Variants in LRRC53 observed in about 807,000 individuals in gnomAD.
LRRC53 encodes the protein leucine rich repeat containing 53, also known as leucine-rich repeat-containing protein 53.
In LRRC53, 25 loss-of-function variants were observed where a neutral mutation model predicts 13.6. The ratio of observed to expected loss-of-function variants is 1.83; its 90% confidence interval spans 1.34 to 2.56. The LOEUF (loss-of-function observed/expected upper bound fraction) is 2.56, where lower values mean the gene tolerates loss of function less well. LRRC53 is among the 30% of genes most tolerant of loss of function. The pLI, the probability that LRRC53 is intolerant of heterozygous loss-of-function variation, is 0.00. For missense variants in LRRC53, 527 were observed against 275.8 expected (o/e 1.91, Z -6.45); for synonymous variants, 204 against 109.8 (o/e 1.86, Z -5.37).
At chr1:74,484,079 C>T (rs1274577799) in intron 1 of LRRC53, among the ~76,000 whole-genome samples, 2 of 151,112 alleles carry the variant, frequency 1.3e-5, no homozygotes, top group Admixed American at 1.3e-4. Flanking sequence ...TAAATGGGTA[C>T]TCTAAGTGTT....
At chr1:74,504,028 T>C (rs1269335691) in intron 1 of LRRC53, among the ~76,000 whole-genome samples, 2 of 152,192 alleles carry the variant, frequency 1.3e-5, no homozygotes, top group East Asian at 3.9e-4. Flanking sequence ...AGCCATTTAC[T>C]ATATTTACAT....
At position 74,499,388 on chromosome 1, in the gene LRRC53, C is replaced by T. The variant is rs983109682; in HGVS notation, c.-27+13138G>A. Among the ~76,000 whole-genome samples, 3 of 152,142 alleles carry T rather than the reference C, an allele frequency of 2.0e-5. No individual in the cohort carries two copies. The East Asian group carries it at 5.8e-4, about 29-fold the overall frequency. ...CTCCTAAGGTTAAATGATTCAGCTTCCTAAAGTGCTGAGATTATAAATATG... is the reference window on the plus strand; with the variant it reads ...CTCCTAAGGTTAAATGATTCAGCTTTCTAAAGTGCTGAGATTATAAATATG... On this transcript the variant is annotated intron_variant, in intron 1 of 4. Coordinates refer to ENST00000294635, the MANE Select transcript of LRRC53 (RefSeq NM_001382280.1).
intron 1 of LRRC53, among the ~76,000 whole-genome samples, chr1:74,499,646 G>A (rs1570705791): frequency 6.6e-6 from 1 of 151,858 alleles, no homozygotes; most frequent in Non-Finnish European, 1.5e-5. Context: ...AGAGGGGAGG[G>A]GGCTACTACA....
chr1:74,482,654 G>C (rs1252818952), intron 2 of LRRC53, among the ~76,000 whole-genome samples: 2 of 152,136 alleles, frequency 1.3e-5, no homozygotes, highest in Admixed American at 1.3e-4. Context: ...CTTATAGCTT[G>C]TTTATCTCTT....
intron 4 of LRRC53, among the ~76,000 whole-genome samples, chr1:74,474,666 A>G (rs1668101838): frequency 6.6e-6 from 1 of 152,152 alleles, no homozygotes. Context: ...GAAGACGTTT[A>G]ATTCATTGCC....
intron 1 of LRRC53, among the ~76,000 whole-genome samples, chr1:74,500,832 A>G (rs2100340257): frequency 6.6e-6 from 1 of 151,966 alleles, no homozygotes; most frequent in South Asian, 2.1e-4. Flanking sequence ...TTAAAATTTC[A>G]TCTATGAATC....
chr1:74,495,441 G>A (rs1669281104), intron 1 of LRRC53, among the ~76,000 whole-genome samples: 1 of 152,168 alleles, frequency 6.6e-6, no homozygotes, highest in Non-Finnish European at 1.5e-5. Context: ...GGCAGATAAA[G>A]AATAAAAAAT....
intron 3 of LRRC53, among the ~76,000 whole-genome samples, chr1:74,476,686 A>G (rs906822256): frequency 2.0e-5 from 3 of 152,206 alleles, no homozygotes; most frequent in African/African-American, 7.2e-5. Context: ...TGGTGTCAGT[A>G]CAGATTGAAT....
intron 1 of LRRC53, among the ~76,000 whole-genome samples, chr1:74,486,201 AAGAGAGAG>A (rs58506314): frequency 6.6e-5 from 9 of 136,410 alleles, no homozygotes; most frequent in African/African-American, 1.6e-4. Context: ...AAATGCTATA[AAGAGAGAG>A]AGAGAGAGAG....
At chr1:74,496,490 C>A (rs984988432) in intron 1 of LRRC53, among the ~76,000 whole-genome samples, 1 of 152,128 alleles carries the variant, frequency 6.6e-6, no homozygotes, top group East Asian at 1.9e-4. Flanking sequence ...CACCTCAACA[C>A]TGTCTTGAGA....
Position 74,509,753 on chromosome 1 carries a change from T to C in LRRC53, c.-27+2773A>G, listed in dbSNP as rs1214059118. ...TTTTGAGTGATCTGAATTTCTTTTT[T>C]TTTTTTTTTTTTTTTTTTTTTTTTG... On this transcript the variant is annotated intron_variant, in intron 1 of 4. Coordinates refer to ENST00000294635, the MANE Select transcript of LRRC53 (RefSeq NM_001382280.1). 1.2e-3 allele frequency among the ~76,000 whole-genome samples: 139 copies of C among 112,114 alleles called. 4 individuals are homozygous for C. Among genetic ancestry groups the C allele is most frequent in the Admixed American group, 0.012 (136 of 11,252 alleles). The allele number at this position is 112,114 out of a possible 152,430, so 73.6% of individuals were successfully genotyped here.
At chr1:74,528,225 G>A in the LRRC53 span, among the ~76,000 whole-genome samples, 17 of 152,160 alleles carry the variant, frequency 1.1e-4, no homozygotes, top group Non-Finnish European at 1.2e-4. Flanking sequence ...GGAAGTTGGA[G>A]CATAAGGGTG....
chr1:74,532,879 T>C, the LRRC53 span, among the ~76,000 whole-genome samples: 1 of 152,146 alleles, frequency 6.6e-6, no homozygotes, highest in Non-Finnish European at 1.5e-5. Flanking sequence ...AAGCTGAAAC[T>C]GGATCCCTTC....
rs957868946 is a variant in LRRC53, at chr1:74,469,660, T to C, written c.*218A>G. 2 of 370,032 alleles carry C rather than the reference T, an allele frequency of 5.4e-6. No homozygotes were observed. The highest frequency in any genetic ancestry group is 9.6e-6 in the Non-Finnish European group (2 of 208,236). The allele number at this position is 370,032 out of a possible 1,614,324, so 22.9% of individuals were successfully genotyped here. ...TGTTTTTTCATTCCTTAGAGAAGCATACTCAGTTAATTGTGTCAGACGTAT... is the reference window on the plus strand; with the variant it reads ...TGTTTTTTCATTCCTTAGAGAAGCACACTCAGTTAATTGTGTCAGACGTAT... On this transcript the variant is annotated 3_prime_UTR_variant, in exon 5 of 5. Coordinates refer to ENST00000294635, the MANE Select transcript of LRRC53 (RefSeq NM_001382280.1).
At chr1:74,501,504 GT>G (rs1182593208) in intron 1 of LRRC53, among the ~76,000 whole-genome samples, 2 of 148,828 alleles carry the variant, frequency 1.3e-5, no homozygotes, top group Non-Finnish European at 2.9e-5. Flanking sequence ...TTGTTTGTTT[GT>G]TTTTTGAGAC....
At chr1:74,534,069 A>G in the LRRC53 span, among the ~76,000 whole-genome samples, 1 of 152,222 alleles carries the variant, frequency 6.6e-6, no homozygotes, top group Non-Finnish European at 1.5e-5. Flanking sequence ...CAGGGGTTTT[A>G]TAAAAATGTT....
At chr1:74,534,973 TA>T in the LRRC53 span, among the ~76,000 whole-genome samples, 20 of 152,308 alleles carry the variant, frequency 1.3e-4, no homozygotes, top group Admixed American at 1.0e-3. Context: ...AGACAAAAGC[TA>T]CTAACAGCAC....
At chr1:74,482,484 A>G (rs1397440417) in intron 2 of LRRC53, among the ~76,000 whole-genome samples, 1 of 152,232 alleles carries the variant, frequency 6.6e-6, no homozygotes, top group Admixed American at 6.5e-5. Flanking sequence ...GAAACGATAT[A>G]CACATCAACT....
intron 3 of LRRC53, 39 bp from the exon 4 acceptor site, chr1:74,475,849 G>A: frequency 3.8e-6 from 2 of 531,064 alleles, no homozygotes; most frequent in African/African-American, 1.9e-5. Flanking sequence ...ATAACATCTT[G>A]GGAAGAAACA....
Sources: gnomAD v4.1 joint callset for allele counts (sites outside exome capture counted in the v4.1 genomes callset) on GRCh38, gnomAD v4.1.1 for gene constraint, MANE v1.5 for transcripts, NCBI Gene and HGNC (gene_info 2026-07-23, HGNC 2026-07-21) for gene names.